Variants in FOXP2 observed in about 807,000 individuals in gnomAD.
The protein encoded by FOXP2 is forkhead box protein P2.
Under a neutral mutation model 115.8 loss-of-function variants are expected in FOXP2, and 12 were observed. The observed-to-expected ratio is 0.10, with a 90% CI of 0.07 to 0.17. The LOEUF (loss-of-function observed/expected upper bound fraction) is 0.17. Ranked by LOEUF, FOXP2 falls within the 10% of genes least tolerant of loss-of-function variation. FOXP2 has a pLI of 1.00. For synonymous variants in FOXP2, 328 were observed against 297.7 expected, an observed-to-expected ratio of 1.10 and a Z score of -1.05; for missense variants, 629 against 843.5, an observed-to-expected ratio of 0.75 and a Z score of 3.15.
rs746365483 is a variant in FOXP2 at position 114,689,981 on chromosome 7, A to G, written c.*55A>G. 2 of 1,600,318 alleles carry G rather than the reference A, an allele frequency of 1.2e-6. No individual in the cohort carries two copies. The highest frequency in any genetic ancestry group is 1.7e-6 in the Non-Finnish European group (2 of 1,170,970). ...GGACATATCACTGACCTTCATAACC[A>G]CTCCACAACCATGAATATTTGACAA... On this transcript the variant is annotated 3_prime_UTR_variant, in exon 17 of 17. Transcript: ENST00000350908.
intron 1 of FOXP2, among the ~76,000 whole-genome samples, chr7:114,270,420 A>G (rs1796007085): frequency 6.6e-6 from 1 of 152,152 alleles, no homozygotes; most frequent in Non-Finnish European, 1.5e-5. Flanking sequence ...GTGGCCATGC[A>G]ATTTTGCATT....
chr7:114,680,670 G>A lies in FOXP2; in HGVS notation c.2004-9112G>A, dbSNP rs549491334. Among the ~76,000 whole-genome samples, 20 of 151,998 alleles carry A rather than the reference G, an allele frequency of 1.3e-4. No homozygotes were observed. The South Asian group carries it at 3.7e-3, about 28-fold the overall frequency. On this transcript the variant is annotated intron_variant, in intron 16 of 16. Coordinates refer to ENST00000350908, the MANE Select transcript of FOXP2 (RefSeq NM_014491.4). ...GAGGCAGGAGAATCACTTGAACCCG[G>A]GAAGGCGGAGGTTGCAGTGAGCCGA...
chr7:114,181,072 T>C (rs1021181887), intron 1 of FOXP2, among the ~76,000 whole-genome samples: 1 of 151,886 alleles, frequency 6.6e-6, no homozygotes, highest in Non-Finnish European at 1.5e-5. Flanking sequence ...TCAGCATATT[T>C]CTGACTTTTC....
intron 1 of FOXP2, among the ~76,000 whole-genome samples, chr7:114,090,586 A>G (rs1440744542): frequency 6.6e-6 from 1 of 151,886 alleles, no homozygotes; most frequent in African/African-American, 2.4e-5. Flanking sequence ...GCTTCTGTAA[A>G]GGTAATCCCT....
chr7:114,395,779 C>T (rs1792721482), intron 2 of FOXP2, among the ~76,000 whole-genome samples: 2 of 151,704 alleles, frequency 1.3e-5, no homozygotes, highest in South Asian at 4.2e-4. Context: ...CAGGTTCACT[C>T]ATGTTGTTGC....
At chr7:114,387,219 T>G (rs906465813) in intron 2 of FOXP2, among the ~76,000 whole-genome samples, 1 of 152,218 alleles carries the variant, frequency 6.6e-6, no homozygotes, top group African/African-American at 2.4e-5. Flanking sequence ...TTCACTTGGA[T>G]TTTGATAACA....
At chr7:114,624,180 G>C (rs1054370070) in intron 3 of FOXP2, among the ~76,000 whole-genome samples, 2 of 151,762 alleles carry the variant, frequency 1.3e-5, no homozygotes, top group Non-Finnish European at 3.0e-5. Flanking sequence ...AATGTATCAA[G>C]AATGTACAAT....
intron 1 of FOXP2, among the ~76,000 whole-genome samples, chr7:114,112,918 G>A (rs1283425842): frequency 6.6e-6 from 1 of 152,024 alleles, no homozygotes; most frequent in African/African-American, 2.4e-5. Context: ...CATTTCATCC[G>A]GTTGTCTTCA....
intron 4 of FOXP2, 80 bp from the exon 5 acceptor site, chr7:114,629,725 G>A: frequency 6.2e-7 from 1 of 1,604,116 alleles, no homozygotes; most frequent in Non-Finnish European, 8.5e-7. Context: ...TCTGCCATAT[G>A]CCAGTCTAGA....
rs139838544 is a variant in FOXP2 at position 114,646,646 on chromosome 7, T to C, written c.1094+1857T>C. Among the ~76,000 whole-genome samples, 216 of 152,126 alleles carry C rather than the reference T, an allele frequency of 1.4e-3. 3 individuals carry two copies. The East Asian group carries it at 0.035, about 25-fold the overall frequency. On this transcript the variant is annotated intron_variant, in intron 8 of 16. Coordinates refer to ENST00000350908, the MANE Select transcript of FOXP2 (RefSeq NM_014491.4). ...TTAGTCCATTTTTATTTTGATATGC[T>C]TTAGATTCACTAACTCAAAGATCTG... is the stretch of plus-strand genomic sequence containing the variant.
chr7:114,138,189 C>G (rs1339113758), intron 1 of FOXP2, among the ~76,000 whole-genome samples: 2 of 152,042 alleles, frequency 1.3e-5, no homozygotes, highest in Non-Finnish European at 2.9e-5. Flanking sequence ...CAGCATAACT[C>G]CCTACTCCTT....
chr7:114,498,656 T>C (rs1797429735), intron 2 of FOXP2, among the ~76,000 whole-genome samples: 1 of 152,218 alleles, frequency 6.6e-6, no homozygotes, highest in African/African-American at 2.4e-5. Context: ...TAGGTAACTA[T>C]CTAATTAATA....
intron 1 of FOXP2, among the ~76,000 whole-genome samples, chr7:114,201,030 C>A (rs1794048612): frequency 6.6e-6 from 1 of 152,114 alleles, no homozygotes; most frequent in African/African-American, 2.4e-5. Flanking sequence ...GTGGCACACA[C>A]CTGTAATCCC....
intron 4 of FOXP2, 28 bp from the exon 5 acceptor site, chr7:114,629,777 T>C: frequency 3.1e-6 from 5 of 1,613,718 alleles, no homozygotes; most frequent in Non-Finnish European, 4.2e-6. Flanking sequence ...TTTGCCTTTA[T>C]TTATTAAAGT....
intron 2 of FOXP2, among the ~76,000 whole-genome samples, chr7:114,327,652 C>A (rs1457034410): frequency 1.3e-5 from 2 of 151,806 alleles, no homozygotes; most frequent in Non-Finnish European, 2.9e-5. Flanking sequence ...GAGGCATGCA[C>A]CACCATGCCC....
At chr7:114,565,584 G>A (rs1800978214) in intron 3 of FOXP2, among the ~76,000 whole-genome samples, 1 of 152,098 alleles carries the variant, frequency 6.6e-6, no homozygotes, top group Admixed American at 6.6e-5. Flanking sequence ...ACATGCTTAA[G>A]TTTGGGAACC....
chr7:114,117,529 T>C (rs1036744079), intron 1 of FOXP2, among the ~76,000 whole-genome samples: 8 of 152,152 alleles, frequency 5.3e-5, no homozygotes, highest in African/African-American at 1.9e-4. Context: ...CAAACTTTGT[T>C]TGATCTTTAT....
intron 2 of FOXP2, among the ~76,000 whole-genome samples, chr7:114,296,010 C>T (rs1487088584): frequency 6.6e-6 from 1 of 152,072 alleles, no homozygotes; most frequent in Non-Finnish European, 1.5e-5. Context: ...TCTCTGAAAT[C>T]AAATGGAATA....
chr7:114,687,211 A>G (rs906419214), intron 16 of FOXP2, among the ~76,000 whole-genome samples: 2 of 152,190 alleles, frequency 1.3e-5, no homozygotes, highest in Non-Finnish European at 2.9e-5. Context: ...CAACTTCCCT[A>G]TGTTCTACAA....
Sources: gnomAD v4.1 joint callset for allele counts (sites outside exome capture counted in the v4.1 genomes callset) on GRCh38, gnomAD v4.1.1 for gene constraint, MANE v1.5 for transcripts, NCBI Gene and HGNC (gene_info 2026-07-23, HGNC 2026-07-21) for gene names.